The following SHISA6 variants were observed in gnomAD, a reference collection of about 807,000 sequenced individuals.
SHISA6 encodes protein shisa-6.
A neutral mutation model predicts 47.9 loss-of-function variants in SHISA6; 22 were observed. The ratio of observed to expected loss-of-function variants is 0.46; its 90% confidence interval spans 0.33 to 0.66. The LOEUF (loss-of-function observed/expected upper bound fraction) is 0.66. Ranked by LOEUF, SHISA6 falls within the 30% of genes least tolerant of loss-of-function variation. The pLI, the probability that SHISA6 is intolerant of heterozygous loss-of-function variation, is 0.02. For missense variants in SHISA6, 680 were observed against 764.6 expected (o/e 0.89, Z 1.30); for synonymous variants, 388 against 337.8 (o/e 1.15, Z -1.63).
intron 2 of SHISA6, among the ~76,000 whole-genome samples, chr17:11,337,671 T>A (rs1475698150): frequency 1.3e-5 from 2 of 152,184 alleles, no homozygotes; most frequent in African/African-American, 4.8e-5. Context: ...TGCTCCAAGA[T>A]GGCTTTGCTT....
rs998383024 is a variant in SHISA6 at position 11,300,374 on chromosome 17, C to T, written c.799+36848C>T. Among the ~76,000 whole-genome samples the T allele has an allele frequency of 2.6e-5, 4 of 152,200 alleles. No homozygotes were observed. In the South Asian group the frequency reaches 6.2e-4, roughly 24 times the overall value. On this transcript the variant is annotated intron_variant, in intron 2 of 5. Coordinates refer to ENST00000441885, the MANE Select transcript of SHISA6 (RefSeq NM_207386.4). ...GCATGCAAGCCACTGCCCTTCTCTT[C>T]GTGTCCATGGAGCACTGGCAACTGA...
intron 2 of SHISA6, among the ~76,000 whole-genome samples, chr17:11,372,428 G>T (rs997846237): frequency 6.6e-6 from 1 of 152,124 alleles, no homozygotes; most frequent in Non-Finnish European, 1.5e-5. Flanking sequence ...AAACTGATTG[G>T]TTTTCTAAAA....
At chr17:11,313,968 T>C (rs1364880041) in intron 2 of SHISA6, among the ~76,000 whole-genome samples, 1 of 152,006 alleles carries the variant, frequency 6.6e-6, no homozygotes, top group African/African-American at 2.4e-5. Flanking sequence ...GTGCATAGAA[T>C]AGATTATAGA....
intron 3 of SHISA6, among the ~76,000 whole-genome samples, chr17:11,399,136 G>C (rs1430883598): frequency 6.6e-6 from 1 of 152,174 alleles, no homozygotes; most frequent in African/African-American, 2.4e-5. Context: ...GGCTGGGGCT[G>C]TCTGATTATA....
At chr17:11,529,991 T>C (rs2071718599) in intron 3 of SHISA6, among the ~76,000 whole-genome samples, 1 of 152,122 alleles carries the variant, frequency 6.6e-6, no homozygotes, top group Non-Finnish European at 1.5e-5. Flanking sequence ...CGTTTCTAGT[T>C]GGCAGTGACC....
At chr17:11,527,653 G>A (rs2071697610) in intron 3 of SHISA6, among the ~76,000 whole-genome samples, 1 of 152,146 alleles carries the variant, frequency 6.6e-6, no homozygotes. Flanking sequence ...AATCTGGCCT[G>A]CTATCTGTTT....
chr17:11,255,206 A>G (rs753892864), intron 1 of SHISA6, among the ~76,000 whole-genome samples: 1 of 152,232 alleles, frequency 6.6e-6, no homozygotes, highest in Admixed American at 6.5e-5. Flanking sequence ...TAAAGTCAGT[A>G]GAAATTAAAG....
intron 5 of SHISA6, among the ~76,000 whole-genome samples, chr17:11,557,359 G>A (rs1346650463): frequency 6.6e-6 from 1 of 152,172 alleles, no homozygotes; most frequent in Non-Finnish European, 1.5e-5. Flanking sequence ...CCAGGACCAG[G>A]CGGAGTTCAG....
At chr17:11,476,891 A>G (rs960605450) in intron 3 of SHISA6, among the ~76,000 whole-genome samples, 1 of 152,016 alleles carries the variant, frequency 6.6e-6, no homozygotes, top group African/African-American at 2.4e-5. Context: ...GGATTTATCT[A>G]TTTCTTCTTG....
intron 2 of SHISA6, among the ~76,000 whole-genome samples, chr17:11,372,982 A>T (rs1242977079): frequency 6.6e-6 from 1 of 151,120 alleles, no homozygotes; most frequent in Non-Finnish European, 1.5e-5. Context: ...TTTACACCAG[A>T]TTTTCTGGGG....
In SHISA6 at chr17:11,283,981, GT is replaced by G. The variant is rs1254904825; in HGVS notation, c.799+20459del. Among the ~76,000 whole-genome samples the G allele has an allele frequency of 2.6e-5, 4 of 152,128 alleles. No individual in the cohort carries two copies. In the East Asian group the frequency reaches 7.7e-4, roughly 29 times the overall value. The stretch of plus-strand genomic sequence containing the variant: ...CCCAGTTCCTTTTTAGTTCTCCTAA[GT>G]TTTCCTTGTTTGGAAATTCTTACAC... On this transcript the variant is annotated intron_variant, in intron 2 of 5. Transcript: ENST00000441885.
intron 2 of SHISA6, among the ~76,000 whole-genome samples, chr17:11,284,332 T>C (rs1041771629): frequency 6.6e-6 from 1 of 152,224 alleles, no homozygotes. Flanking sequence ...GTTTTCCATC[T>C]TCTCTTCCAT....
chr17:11,443,527 A>T (rs1351691330), intron 3 of SHISA6, among the ~76,000 whole-genome samples: 1 of 152,218 alleles, frequency 6.6e-6, no homozygotes, highest in Non-Finnish European at 1.5e-5. Flanking sequence ...GGTTGGAGAC[A>T]TTGGGGCTGA....
chr17:11,423,211 A>ATGTGTG (rs1194730327), intron 3 of SHISA6, among the ~76,000 whole-genome samples: 4 of 126,518 alleles, frequency 3.2e-5, no homozygotes, highest in African/African-American at 1.2e-4. Context: ...TGTAACATAT[A>ATGTGTG]TGTATGTGTG....
At chr17:11,490,616 G>A (rs1267242062) in intron 3 of SHISA6, among the ~76,000 whole-genome samples, 1 of 152,188 alleles carries the variant, frequency 6.6e-6, no homozygotes, top group Non-Finnish European at 1.5e-5. Flanking sequence ...CTGGAGAAGT[G>A]CAGCCGGTGG....
chr17:11,277,266 TCTCTCTCTCTCTCTCACACACACACA>T (rs1322021078), intron 2 of SHISA6, among the ~76,000 whole-genome samples: 56 of 109,634 alleles, frequency 5.1e-4, no homozygotes, highest in African/African-American at 1.8e-3. Flanking sequence ...TCTCTCTCTC[TCTCTCTCTCTCTCTCACACACACACA>T]CACACACACA....
intron 2 of SHISA6, among the ~76,000 whole-genome samples, chr17:11,312,579 C>T (rs1910376031): frequency 6.6e-6 from 1 of 152,182 alleles, no homozygotes; most frequent in Non-Finnish European, 1.5e-5. Context: ...CCAAAGGGAT[C>T]ACTACCTTTA....
chr17:11,451,061 A>G (rs189914214), intron 3 of SHISA6, among the ~76,000 whole-genome samples: 92 of 150,614 alleles, frequency 6.1e-4, no homozygotes, highest in African/African-American at 2.0e-3. Context: ...GTGTGACAAG[A>G]GGAAAGAGGT....
chr17:11,510,395 T>C (rs2071532358), intron 3 of SHISA6, among the ~76,000 whole-genome samples: 1 of 152,108 alleles, frequency 6.6e-6, no homozygotes, highest in African/African-American at 2.4e-5. Context: ...TTGCTTCAGT[T>C]AAAGCCTTTC....
Sources: gnomAD v4.1 joint callset for allele counts (sites outside exome capture counted in the v4.1 genomes callset) on GRCh38, gnomAD v4.1.1 for gene constraint, MANE v1.5 for transcripts, NCBI Gene and HGNC (gene_info 2026-07-23, HGNC 2026-07-21) for gene names.